EIF3F: variants seen among roughly 807,000 people sequenced by gnomAD.
EIF3F encodes eukaryotic translation initiation factor 3 subunit F.
EIF3F carries 8 observed loss-of-function variants against 36.0 expected under a neutral mutation model. The ratio of observed to expected loss-of-function variants is 0.22; its 90% CI spans 0.13 to 0.40. The LOEUF is 0.40. Among genes scored for constraint, EIF3F ranks in the 10% least tolerant of loss-of-function variants. The probability of loss-of-function intolerance (pLI) is 1.00; values close to 1 mark genes in which losing one functional copy is unlikely to be tolerated. For missense variants in EIF3F, 430 were observed against 467.6 expected, an observed-to-expected ratio of 0.92 and a Z score of 0.74; for synonymous variants, 184 against 188.5, an observed-to-expected ratio of 0.98 and a Z score of 0.19.
chr11:7,991,310 G>T (rs1213810365), intron 1 of EIF3F, among the ~76,000 whole-genome samples: 1 of 152,188 alleles, frequency 6.6e-6, no homozygotes, highest in East Asian at 1.9e-4. Context: ...TGATGATAAG[G>T]TTAAGACTGA....
chr11:7,995,911 A>G lies in EIF3F; in HGVS notation c.997-34A>G, dbSNP rs1564887638. 3.7e-6 allele frequency: 6 copies of G among 1,600,960 alleles called. No homozygotes were observed. In the African/African-American group the frequency reaches 4.0e-5, roughly 11 times the overall value. ...AGCCTTTTTGCTCCCTTTCCACCCAACCCCCCACTCATTGTGTATTCTTTG... is the reference window on the plus strand; with the variant it reads ...AGCCTTTTTGCTCCCTTTCCACCCAGCCCCCCACTCATTGTGTATTCTTTG... On this transcript the variant is annotated intron_variant, in intron 7 of 7. Coordinates refer to ENST00000651655, the MANE Select transcript of EIF3F (RefSeq NM_003754.3).
Position 7,999,909 on chromosome 11 carries a change from A to G in EIF3F, c.*3887A>G, listed in dbSNP as rs1942201653. 1 of 152,244 alleles carries G rather than the reference A, an allele frequency of 6.6e-6. No homozygotes were observed. The highest frequency in any genetic ancestry group is 2.1e-4 in the South Asian group (1 of 4,832). 9.4% of individuals were successfully genotyped at this position (152,244 alleles called of 1,614,324 possible). Reference sequence around the variant, plus strand: ...GACATCAACCTAAGTGTCCATCAACAGAAGATAGATAGGGCTGAGCGCGGT... The same window carrying G: ...GACATCAACCTAAGTGTCCATCAACGGAAGATAGATAGGGCTGAGCGCGGT... On this transcript the variant is annotated 3_prime_UTR_variant, in exon 8 of 8. Coordinates refer to ENST00000651655, the MANE Select transcript of EIF3F (RefSeq NM_003754.3).
intron 1 of EIF3F, among the ~76,000 whole-genome samples, chr11:7,990,422 G>A (rs935689742): frequency 6.6e-6 from 1 of 152,132 alleles, no homozygotes; most frequent in Admixed American, 6.5e-5. Context: ...AAAAAAATTG[G>A]CGTGTAAACT....
Position 7,996,896 on chromosome 11 carries a change from AAG to A in EIF3F, c.*877_*878del, listed in dbSNP as rs1335115738. 1.8e-3 allele frequency: 279 copies of A among 152,354 alleles called. No homozygotes were observed. The highest frequency in any genetic ancestry group is 6.4e-3 in the African/African-American group (265 of 41,578). The allele number at this position is 152,354 out of a possible 1,614,324, so 9.4% of individuals were successfully genotyped here. On this transcript the variant is annotated 3_prime_UTR_variant, in exon 8 of 8. Transcript: ENST00000651655. Reference sequence around the variant, plus strand: ...TGTAGCCTTAGGAAAGATAAATTATAAGAGTCATAAGATATGGATCATAAACA... The same window carrying A: ...TGTAGCCTTAGGAAAGATAAATTATAAGTCATAAGATATGGATCATAAACA...
intron 3 of EIF3F, 87 bp from the exon 4 acceptor site, chr11:7,992,800 G>T: frequency 6.3e-7 from 1 of 1,580,156 alleles, no homozygotes. Context: ...AGAAGTGTCC[G>T]GTACCCTGAA....
At chr11:7,995,919 C>T (rs2016287965) in intron 7 of EIF3F, 26 bp from the exon 8 acceptor site, 1 of 1,609,658 alleles carries the variant, frequency 6.2e-7, no homozygotes, top group South Asian at 1.1e-5. Context: ...CAACCCCCCA[C>T]TCATTGTGTA....
Position 7,987,346 on chromosome 11 carries a change from C to A in EIF3F, c.-7C>A. 4 of 1,590,062 alleles carry A rather than the reference C, an allele frequency of 2.5e-6. No homozygotes were observed. In the South Asian group the frequency reaches 4.4e-5, roughly 18 times the overall value. On this transcript the variant is annotated 5_prime_UTR_variant, in exon 1 of 8. Transcript: ENST00000651655. ...TTTCCGCTTCCGCCTCCTTCTTTCT[C>A]GACAAGATGGCCACACCGGCGGTAC...
At chr11:7,994,580 G>A in intron 5 of EIF3F, 63 bp downstream of exon 5, 28 of 1,495,280 alleles carry the variant, frequency 1.9e-5, no homozygotes, top group Non-Finnish European at 2.6e-5. Context: ...GGGGCTGCTA[G>A]TCTGCAACAT....
At chr11:7,991,630 C>T in intron 1 of EIF3F, 151 bp from the exon 2 acceptor site, 2 of 753,050 alleles carry the variant, frequency 2.7e-6, no homozygotes, top group Non-Finnish European at 4.7e-6. Context: ...GAATTCTGGT[C>T]CCATCGATGC....
chr11:7,993,413 G>A (rs762171223), intron 4 of EIF3F, among the ~76,000 whole-genome samples: 22 of 152,176 alleles, frequency 1.4e-4, no homozygotes, highest in Admixed American at 2.6e-4. Context: ...TCAGCACAGC[G>A]CTCAGGGTAA....
chr11:7,998,027 T>C lies in EIF3F; in HGVS notation c.*2005T>C, dbSNP rs1423561317. ...TATTAGGGACTTGAGCATCAGAGGA[T>C]TTTTATATCCAAGGAAGGTTCTGGA... On this transcript the variant is annotated 3_prime_UTR_variant, in exon 8 of 8. Transcript: ENST00000651655. 6.6e-6 allele frequency: 1 copy of C among 152,182 alleles called. No individual in the cohort carries two copies. The highest frequency in any genetic ancestry group is 1.9e-4 in the East Asian group (1 of 5,200). The allele number at this position is 152,182 out of a possible 1,614,324, so 9.4% of individuals were successfully genotyped here. A position where few individuals can be genotyped will look rare whatever the true frequency, so the allele number is the denominator to read the frequency against.
In EIF3F at chr11:7,999,304, T is replaced by G. The variant is rs1486180151; in HGVS notation, c.*3282T>G. 1.3e-5 allele frequency: 2 copies of G among 152,098 alleles called. No individual in the cohort carries two copies. Among genetic ancestry groups the G allele is most frequent in the African/African-American group, 2.4e-5 (1 of 41,398 alleles). The allele number at this position is 152,098 out of a possible 1,614,324, so 9.4% of individuals were successfully genotyped here. ...AAAAGGAGGAGGGTTTTTAAAAAAT[T>G]AGTACTACCCAGTTGATACGGTGGA... is the stretch of plus-strand genomic sequence containing the variant. On this transcript the variant is annotated 3_prime_UTR_variant, in exon 8 of 8. Transcript: ENST00000651655.
intron 4 of EIF3F, 104 bp downstream of exon 4, chr11:7,993,128 C>T: frequency 7.7e-7 from 1 of 1,306,016 alleles, no homozygotes. Context: ...TTGCTGTGTC[C>T]TTAGGAAGCC....
rs533844821 is a variant in EIF3F, at chr11:7,988,807, T to A, written c.364+1091T>A. Among the ~76,000 whole-genome samples the A allele has an allele frequency of 5.3e-4, 81 of 152,332 alleles. No individual in the cohort carries two copies. The South Asian group carries it at 0.015, about 29-fold the overall frequency. On this transcript the variant is annotated intron_variant, in intron 1 of 7. Coordinates refer to ENST00000651655, the MANE Select transcript of EIF3F (RefSeq NM_003754.3). ...TGTTCTGTCAGGAGCTACTTTAGAC[T>A]TAGTCTTTGTGAGAGCTAAATTAAA... is the stretch of plus-strand genomic sequence containing the variant.
intron 2 of EIF3F, 81 bp downstream of exon 2, chr11:7,991,932 A>C (rs1365811875): frequency 2.4e-5 from 27 of 1,142,954 alleles, no homozygotes; most frequent in Non-Finnish European, 3.5e-6. Context: ...TCCCACACTC[A>C]TAACTAGAGC....
At chr11:7,995,395 G>C in intron 7 of EIF3F, 28 bp downstream of exon 7, 1 of 1,570,608 alleles carries the variant, frequency 6.4e-7, no homozygotes, top group Non-Finnish European at 8.8e-7. Context: ...GCCCCTTCTT[G>C]CCTGGTTTCT....
chr11:7,992,786 C>T, intron 3 of EIF3F, 101 bp from the exon 4 acceptor site: 1 of 1,503,800 alleles, frequency 6.6e-7, no homozygotes. Flanking sequence ...AGGTGTCCTA[C>T]CGTAGAAGTG....
intron 1 of EIF3F, among the ~76,000 whole-genome samples, chr11:7,989,049 G>T (rs929110310): frequency 1.3e-5 from 2 of 152,130 alleles, no homozygotes; most frequent in African/African-American, 4.8e-5. Context: ...TGCTTTTCCT[G>T]CTGTCCTTCA....
At chr11:7,987,770 C>T (rs944206706) in intron 1 of EIF3F, 54 bp downstream of exon 1, 8 of 1,438,418 alleles carry the variant, frequency 5.6e-6, no homozygotes, top group South Asian at 1.5e-5. Context: ...TCTCATTTAT[C>T]TCACTCCCCT....
Sources: gnomAD v4.1 joint callset for allele counts (sites outside exome capture counted in the v4.1 genomes callset) on GRCh38, gnomAD v4.1.1 for gene constraint, MANE v1.5 for transcripts, NCBI Gene and HGNC (gene_info 2026-07-23, HGNC 2026-07-21) for gene names.